DOCK3: variants seen among roughly 807,000 people sequenced by gnomAD.
DOCK3 encodes dedicator of cytokinesis 3.
In DOCK3, 60 loss-of-function variants were observed where a neutral mutation model predicts 265.6. The ratio of observed to expected loss-of-function variants is 0.23; its 90% CI spans 0.18 to 0.28. DOCK3 has a LOEUF of 0.28. Among genes scored for constraint, DOCK3 ranks in the 10% least tolerant of loss-of-function variants. DOCK3 has a pLI of 1.00. For synonymous variants in DOCK3, 881 were observed against 938.0 expected (o/e 0.94, Z 1.11); for missense variants, 1,981 against 2,594.3 (o/e 0.76, Z 5.14).
At position 51,210,776 on chromosome 3, in the gene DOCK3, G is replaced by C. The variant is rs533530455; in HGVS notation, c.1126+1914G>C. The stretch of plus-strand genomic sequence containing the variant: ...TTACCCATCTTTGTTAGATATTGTG[G>C]ACAGTTCATTGCCTTGCAGTTCTGT... On this transcript the variant is annotated intron_variant, in intron 13 of 52. Coordinates refer to ENST00000266037, the MANE Select transcript of DOCK3 (RefSeq NM_004947.5). Among the ~76,000 whole-genome samples the C allele has an allele frequency of 7.9e-5, 12 of 152,278 alleles. No homozygotes were observed. In the South Asian group the frequency reaches 2.3e-3, roughly 29 times the overall value.
chr3:50,784,508 C>T (rs1001845682), intron 2 of DOCK3, among the ~76,000 whole-genome samples: 8 of 152,094 alleles, frequency 5.3e-5, no homozygotes, highest in Admixed American at 1.3e-4. Flanking sequence ...TTTTTGGTTC[C>T]ATATGAATTG....
At position 51,001,742 on chromosome 3, in the gene DOCK3, C is replaced by G. The variant is rs148083563; in HGVS notation, c.316-62706C>G. On this transcript the variant is annotated intron_variant, in intron 5 of 52. Transcript: ENST00000266037. ...CTGCCAGATTGTTTTCCAAAGTTGT[C>G]ACATTTTACATTCCCACCAGTAATA... Among the ~76,000 whole-genome samples, 94 of 152,214 alleles carry G rather than the reference C, an allele frequency of 6.2e-4. 1 individual carries two copies. The East Asian group carries it at 0.017, about 27-fold the overall frequency.
intron 5 of DOCK3, among the ~76,000 whole-genome samples, chr3:50,983,512 C>T (rs1316996066): frequency 6.6e-6 from 1 of 152,102 alleles, no homozygotes; most frequent in Non-Finnish European, 1.5e-5. Context: ...AGAGGAGCTA[C>T]CCTTTCTGCT....
chr3:51,014,568 A>T (rs1487016844), intron 5 of DOCK3, among the ~76,000 whole-genome samples: 1 of 151,962 alleles, frequency 6.6e-6, no homozygotes, highest in Non-Finnish European at 1.5e-5. Context: ...TAAATATAAA[A>T]TTATTGTTAT....
intron 1 of DOCK3, among the ~76,000 whole-genome samples, chr3:50,682,679 C>T (rs1239673434): frequency 6.6e-6 from 1 of 152,204 alleles, no homozygotes; most frequent in African/African-American, 2.4e-5. Context: ...TGGCTTATGT[C>T]GGTATTCCCA....
intron 2 of DOCK3, among the ~76,000 whole-genome samples, chr3:50,781,267 CTT>C (rs34844040): frequency 4.2e-5 from 5 of 120,458 alleles, no homozygotes; most frequent in East Asian, 2.4e-4. Context: ...TATAGTAGTT[CTT>C]TTTTTTTTTT....
At chr3:51,064,650 C>G (rs528245015) in intron 6 of DOCK3, 54 bp downstream of exon 6, 1 of 1,592,780 alleles carries the variant, frequency 6.3e-7, no homozygotes, top group African/African-American at 1.3e-5. Flanking sequence ...ATAACTCAGT[C>G]TTCAGGGAGT....
chr3:51,292,404 T>G (rs1315879710), intron 27 of DOCK3, among the ~76,000 whole-genome samples: 1 of 152,114 alleles, frequency 6.6e-6, no homozygotes, highest in East Asian at 1.9e-4. Flanking sequence ...AAAAACAGAT[T>G]CAGTAAAATT....
At chr3:51,197,130 G>A (rs2107931366) in intron 12 of DOCK3, among the ~76,000 whole-genome samples, 1 of 152,334 alleles carries the variant, frequency 6.6e-6, no homozygotes, top group African/African-American at 2.4e-5. Context: ...GCTGTAAACA[G>A]CATTAGTGGC....
chr3:50,939,339 C>T (rs2051568637), intron 5 of DOCK3, among the ~76,000 whole-genome samples: 1 of 151,966 alleles, frequency 6.6e-6, no homozygotes, highest in Non-Finnish European at 1.5e-5. Context: ...ACAGAGTCTT[C>T]TAGAAAATGG....
chr3:51,065,815 A>G (rs1313683081), intron 6 of DOCK3, among the ~76,000 whole-genome samples: 4 of 152,206 alleles, frequency 2.6e-5, no homozygotes, highest in East Asian at 1.9e-4. Context: ...TTCTTCTGCT[A>G]TCTTTTAAGT....
intron 4 of DOCK3, among the ~76,000 whole-genome samples, chr3:50,919,271 G>GT (rs1188942788): frequency 6.6e-6 from 1 of 150,784 alleles, no homozygotes; most frequent in Admixed American, 6.6e-5. Flanking sequence ...ATGAACTTTA[G>GT]TTTTTTCCAG....
chr3:50,887,029 A>G (rs1394599331), intron 3 of DOCK3, among the ~76,000 whole-genome samples: 2 of 152,144 alleles, frequency 1.3e-5, no homozygotes, highest in African/African-American at 4.8e-5. Flanking sequence ...GAACTGAAGG[A>G]AATAGAGACA....
intron 38 of DOCK3, 36 bp from the exon 39 acceptor site, chr3:51,348,816 T>G: frequency 3.1e-4 from 476 of 1,529,512 alleles, no homozygotes; most frequent in Non-Finnish European, 3.9e-4. Flanking sequence ...ATTCTGAAGA[T>G]GAGATGCTGA....
At chr3:51,271,983 G>A (rs2080526944) in intron 24 of DOCK3, among the ~76,000 whole-genome samples, 1 of 152,166 alleles carries the variant, frequency 6.6e-6, no homozygotes, top group Middle Eastern at 3.2e-3. Flanking sequence ...AATGGACAGG[G>A]AGCTCTTTAT....
At position 50,934,041 on chromosome 3, in the gene DOCK3, A is replaced by G. The variant is rs2051221367; in HGVS notation, c.279A>G (p.Leu93=). 2 of 1,610,904 alleles carry G rather than the reference A, an allele frequency of 1.2e-6. No homozygotes were observed. The highest frequency in any genetic ancestry group is 1.7e-6 in the Non-Finnish European group (2 of 1,178,286). The change falls in exon 5 of 53, where the codon CTA becomes CTG. Residue 93 remains leucine (L), a synonymous_variant. Coordinates refer to ENST00000266037, the MANE Select transcript of DOCK3 (RefSeq NM_004947.5). ...DSIVTEVTAT[L]QEWASLWKQL... Reference sequence around the variant, plus strand: ...TTGTGACTGAGGTTACAGCAACTCTACAAGAATGGGCAAGTTTGTGGAAAC... The same window carrying G: ...TTGTGACTGAGGTTACAGCAACTCTGCAAGAATGGGCAAGTTTGTGGAAAC...
chr3:51,302,345 G>A (rs375658918), intron 27 of DOCK3, among the ~76,000 whole-genome samples: 52 of 152,158 alleles, frequency 3.4e-4, no homozygotes, highest in Middle Eastern at 3.4e-3. Flanking sequence ...TGGGTCTCTC[G>A]AATACAGCAC....
chr3:51,249,150 T>G (rs1463862332), intron 22 of DOCK3, among the ~76,000 whole-genome samples: 19 of 81,918 alleles, frequency 2.3e-4, no homozygotes, highest in South Asian at 5.1e-4. Context: ...GGGAGGGAGG[T>G]GGGGGGGTCA....
rs571317298 is a variant in DOCK3 at position 51,069,205 on chromosome 3, C to A, written c.464+4609C>A. ...CTTTATATTTTTAGGAACTGCAATA[C>A]AAGAAGGGCAGAAAGTTGTGTTCAA... On this transcript the variant is annotated intron_variant, in intron 6 of 52. Coordinates refer to ENST00000266037, the MANE Select transcript of DOCK3 (RefSeq NM_004947.5). Among the ~76,000 whole-genome samples, 77 of 152,232 alleles carry A rather than the reference C, an allele frequency of 5.1e-4. No homozygotes were observed. In the South Asian group the frequency reaches 8.1e-3, roughly 16 times the overall value.
Sources: allele counts gnomAD v4.1 joint callset (sites outside exome capture counted in the v4.1 genomes callset), GRCh38; gene constraint gnomAD v4.1.1; transcripts MANE v1.5; gene names NCBI Gene and HGNC (gene_info 2026-07-23, HGNC 2026-07-21).